Variants in MAF observed in about 807,000 individuals in gnomAD.
MAF encodes MAF bZIP transcription factor.
A neutral mutation model predicts 22.0 loss-of-function variants in MAF; 10 were observed. The ratio of observed to expected loss-of-function variants is 0.45; its 90% confidence interval spans 0.28 to 0.77. The LOEUF is 0.77. Ranked by LOEUF, MAF falls within the 30% of genes least tolerant of loss-of-function variation. The pLI is 0.12. For synonymous variants in MAF, 337 were observed against 255.8 expected, an observed-to-expected ratio of 1.32 and a Z score of -3.03; for missense variants, 544 against 548.4, an observed-to-expected ratio of 0.99 and a Z score of 0.08.
the MAF span, among the ~76,000 whole-genome samples, chr16:79,288,659 C>G: frequency 6.6e-6 from 1 of 152,156 alleles, no homozygotes; most frequent in Non-Finnish European, 1.5e-5. Flanking sequence ...GTAGTGGAAT[C>G]TTACAGGTGA....
chr16:79,528,151 C>T, the MAF span, among the ~76,000 whole-genome samples: 5 of 152,108 alleles, frequency 3.3e-5, no homozygotes, highest in Admixed American at 1.3e-4. Context: ...CAAAAAGAAG[C>T]ATGGAGTGAA....
the MAF span, among the ~76,000 whole-genome samples, chr16:79,534,031 C>T: frequency 7.2e-5 from 11 of 152,332 alleles, no homozygotes; most frequent in East Asian, 9.7e-4. Flanking sequence ...ACAAGCTCAT[C>T]TTACAAGAGC....
chr16:79,599,618 G>A lies in MAF; in HGVS notation c.285C>T (p.Thr95=), dbSNP rs369752568. 1 of 1,610,958 alleles carries A rather than the reference G, an allele frequency of 6.2e-7. No homozygotes were observed. The highest frequency in any genetic ancestry group is 1.7e-5 in the Admixed American group (1 of 59,818). Residue 95 remains threonine, a synonymous_variant, in exon 1 of 2, where the codon ACC becomes ACT. Coordinates refer to ENST00000326043, the MANE Select transcript of MAF (RefSeq NM_005360.5). ...KAHLEDYYWM[T]GYPQQLNPEA... Reference sequence around the variant, plus strand: ...CGGGGTTCAGCTGCTGCGGGTAGCCGGTCATCCAGTAGTAGTCTTCCAGGT... The same window carrying A: ...CGGGGTTCAGCTGCTGCGGGTAGCCAGTCATCCAGTAGTAGTCTTCCAGGT...
At chr16:79,570,922 C>T in the MAF span, among the ~76,000 whole-genome samples, 2 of 152,122 alleles carry the variant, frequency 1.3e-5, no homozygotes, top group African/African-American at 4.8e-5. Context: ...TTAACAGATG[C>T]CGCCTGGGTT....
At chr16:79,233,991 CAAA>C in the MAF span, among the ~76,000 whole-genome samples, 7 of 125,654 alleles carry the variant, frequency 5.6e-5, no homozygotes, top group Admixed American at 1.7e-4. Context: ...GACTCCATCG[CAAA>C]AAAAAAAAAA....
chr16:79,379,382 T>C, the MAF span, among the ~76,000 whole-genome samples: 1 of 152,204 alleles, frequency 6.6e-6, no homozygotes, highest in Admixed American at 6.5e-5. Flanking sequence ...TTGAGTTTTG[T>C]TGTTGCATGT....
rs749981151 is a variant in MAF at position 79,598,846 on chromosome 16, T to G, written c.1057A>C (p.Ser353Arg). ...AYKEKYEKLV[S>R]SGFRENGSSS... ...GAGCCGTTTTCTCGGAAGCCGCTGC[T>G]CACCAACTTCTCGTATTTCTCCTTG... is the stretch of plus-strand genomic sequence containing the variant. The change falls in exon 1 of 2, where the codon AGC becomes CGC. Residue 353 changes from serine (S) to arginine (R), a missense_variant. Around this residue, in one of 5 missense-constraint regions of MAF, gnomAD observed 129 missense variants for 113.6 expected, o/e 1.14. Coordinates refer to ENST00000326043, the MANE Select transcript of MAF (RefSeq NM_005360.5). 6.2e-7 allele frequency: 1 copy of G among 1,613,784 alleles called. No individual in the cohort carries two copies. Among genetic ancestry groups the G allele is most frequent in the South Asian group, 1.1e-5 (1 of 91,050 alleles).
chr16:79,239,679 T>A, the MAF span, among the ~76,000 whole-genome samples: 5 of 152,196 alleles, frequency 3.3e-5, no homozygotes, highest in South Asian at 1.0e-3. Context: ...TTATTCTTTG[T>A]CCCTCTCAAT....
At chr16:79,209,678 C>T in the MAF span, among the ~76,000 whole-genome samples, 1 of 152,280 alleles carries the variant, frequency 6.6e-6, no homozygotes, top group Middle Eastern at 3.4e-3. Flanking sequence ...CACCAGAACT[C>T]TAAGATTCCA....
At chr16:79,301,587 T>A in the MAF span, among the ~76,000 whole-genome samples, 2 of 141,174 alleles carry the variant, frequency 1.4e-5, no homozygotes, top group African/African-American at 5.4e-5. Flanking sequence ...ATTTTTTACA[T>A]TTAAATGCAT....
chr16:79,257,971 A>C, the MAF span, among the ~76,000 whole-genome samples: 1 of 152,222 alleles, frequency 6.6e-6, no homozygotes, highest in Non-Finnish European at 1.5e-5. Flanking sequence ...ATTTCTAAAA[A>C]CTAACTCAAT....
At chr16:79,364,633 T>C in the MAF span, among the ~76,000 whole-genome samples, 5 of 152,340 alleles carry the variant, frequency 3.3e-5, no homozygotes, top group South Asian at 4.1e-4. Context: ...ATGCTCCCAA[T>C]TGAACAGTTT....
At chr16:79,331,178 G>A in the MAF span, among the ~76,000 whole-genome samples, 1 of 152,166 alleles carries the variant, frequency 6.6e-6, no homozygotes, top group South Asian at 2.1e-4. Flanking sequence ...GCTAATGCAG[G>A]CCTAATCCCA....
chr16:79,554,025 T>C, the MAF span, among the ~76,000 whole-genome samples: 1 of 151,692 alleles, frequency 6.6e-6, no homozygotes. Flanking sequence ...GGAGGCAGAG[T>C]TTGCAGTGAG....
chr16:79,442,633 G>C, the MAF span, among the ~76,000 whole-genome samples: 1 of 152,140 alleles, frequency 6.6e-6, no homozygotes, highest in Non-Finnish European at 1.5e-5. Context: ...TGCAGCCTCA[G>C]ACTCCTGGGT....
the MAF span, among the ~76,000 whole-genome samples, chr16:79,550,664 G>A: frequency 1.3e-5 from 2 of 152,286 alleles, no homozygotes; most frequent in African/African-American, 4.8e-5. Flanking sequence ...CTCACTCACT[G>A]CCTTTGTCCA....
chr16:79,419,808 C>T, the MAF span, among the ~76,000 whole-genome samples: 2 of 152,088 alleles, frequency 1.3e-5, no homozygotes, highest in Admixed American at 6.5e-5. Flanking sequence ...ACCAGGGTGG[C>T]AGTGTCACAG....
At chr16:79,232,612 G>C in the MAF span, among the ~76,000 whole-genome samples, 3 of 151,944 alleles carry the variant, frequency 2.0e-5, no homozygotes, top group East Asian at 5.8e-4. Flanking sequence ...GACACTCATG[G>C]CACATGGACA....
the MAF span, among the ~76,000 whole-genome samples, chr16:79,551,696 A>T: frequency 5.9e-5 from 9 of 152,214 alleles, no homozygotes; most frequent in African/African-American, 2.2e-4. Context: ...TTTTGAAGTC[A>T]AAAGAATAGT....
Sources: allele counts gnomAD v4.1 joint callset (sites outside exome capture counted in the v4.1 genomes callset), GRCh38; gene constraint gnomAD v4.1.1; regional missense constraint gnomAD v4.1.1; transcripts MANE v1.5; gene names NCBI Gene and HGNC (gene_info 2026-07-23, HGNC 2026-07-21).